Variants in SUMF1 observed in about 807,000 individuals in gnomAD.
The protein encoded by SUMF1 is sulfatase modifying factor 1.
SUMF1 carries 48 observed loss-of-function variants against 47.6 expected under a neutral mutation model. That is an observed-to-expected ratio of 1.01 (90% CI 0.80 to 1.28). SUMF1 has a LOEUF of 1.28. SUMF1 is among the 50% of genes most tolerant of loss of function. SUMF1 has a pLI of 0.00. For synonymous variants in SUMF1, 230 were observed against 192.1 expected, an observed-to-expected ratio of 1.20 and a Z score of -1.63; for missense variants, 571 against 485.4, an observed-to-expected ratio of 1.18 and a Z score of -1.66.
Position 4,420,945 on chromosome 3 carries a change from A to ACCCTCCTAGT in SUMF1, c.520-800_520-799insACTAGGAGGG, listed in dbSNP as rs1701880256. 7.9e-5 allele frequency among the ~76,000 whole-genome samples: 12 copies of ACCCTCCTAGT among 152,296 alleles called. No homozygotes were observed. The South Asian group carries it at 2.5e-3, about 32-fold the overall frequency. On this transcript the variant is annotated intron_variant, in intron 3 of 8. Coordinates refer to ENST00000272902, the MANE Select transcript of SUMF1 (RefSeq NM_182760.4). ...TAGCTGGGTGACCCTGGGCAAGTTC[A>ACCCTCCTAGT]CTACTTGTCTGGACCCTCCTAGTCC...
At chr3:4,209,241 A>G (rs1695721849) in intron 8 of SUMF1, among the ~76,000 whole-genome samples, 2 of 152,112 alleles carry the variant, frequency 1.3e-5, no homozygotes, top group Non-Finnish European at 2.9e-5. Context: ...TAAATTTTAC[A>G]CTCTACTATA....
At chr3:4,266,862 T>G in intron 8 of SUMF1, among the ~76,000 whole-genome samples, 1 of 148,722 alleles carries the variant, frequency 6.7e-6, no homozygotes, top group Non-Finnish European at 1.5e-5. Flanking sequence ...GCTGTGGGTT[T>G]GTCATAGATA....
intron 8 of SUMF1, among the ~76,000 whole-genome samples, chr3:4,112,099 A>G (rs1208780802): frequency 6.6e-6 from 1 of 152,010 alleles, no homozygotes; most frequent in Non-Finnish European, 1.5e-5. Context: ...CTGAGACAAA[A>G]AGATCTACAA....
intron 9 of SUMF1, among the ~76,000 whole-genome samples, chr3:4,049,800 C>T (rs1456363029): frequency 6.6e-6 from 1 of 152,118 alleles, no homozygotes. Context: ...TACCCAAGCT[C>T]TCGTCCAACA....
At chr3:4,232,544 C>G (rs747285236) in intron 8 of SUMF1, among the ~76,000 whole-genome samples, 4 of 151,818 alleles carry the variant, frequency 2.6e-5, no homozygotes, top group Non-Finnish European at 5.9e-5. Flanking sequence ...AGAATGGTCC[C>G]TCAAAGGAAA....
intron 7 of SUMF1, among the ~76,000 whole-genome samples, chr3:4,404,433 T>G (rs1701310970): frequency 6.6e-6 from 1 of 152,196 alleles, no homozygotes; most frequent in Non-Finnish European, 1.5e-5. Context: ...TCAAACTGAT[T>G]TATTCATGTC....
chr3:4,313,335 A>T (rs750435220), intron 8 of SUMF1: 1 of 1,614,050 alleles, frequency 6.2e-7, no homozygotes, highest in Non-Finnish European at 8.5e-7. Flanking sequence ...CCATCAGGGA[A>T]CATGTTTATA....
At chr3:4,150,362 G>A (rs1008676629) in intron 8 of SUMF1, among the ~76,000 whole-genome samples, 1 of 151,522 alleles carries the variant, frequency 6.6e-6, no homozygotes, top group Admixed American at 6.6e-5. Flanking sequence ...AGGAGTTTGC[G>A]ACCAGCCTGG....
Position 4,467,043 on chromosome 3 carries a change from T to C in SUMF1, c.203A>G (p.His68Arg). The C allele has an allele frequency of 1.3e-6, 2 of 1,573,126 alleles. No individual in the cohort carries two copies. ...PGAHGSSAAA[H>R]RYSREANAPG... is the part of the protein sequence containing the mutation. The stretch of plus-strand genomic sequence containing the variant: ...AGCGTTAGCCTCCCGCGAGTATCGG[T>C]GAGCGGCTGCCGAACTGCCATGGGC... Residue 68 changes from histidine to arginine, a missense_variant, in exon 1 of 9, where the codon CAC becomes CGC. His to Arg is a conservative substitution (Grantham distance 29). Transcript: ENST00000272902.
At position 4,059,537 on chromosome 3, in the gene SUMF1, C is replaced by A. The variant is rs1354909527; in HGVS notation, c.1191+9032G>T. Among the ~76,000 whole-genome samples the A allele has an allele frequency of 2.6e-5, 4 of 152,024 alleles. 1 individual carries two copies. The highest frequency in any genetic ancestry group is 5.9e-5 in the Non-Finnish European group (4 of 68,010). ...AATCTCTTAAACCTCTACAGCTGCT[C>A]AACAAAACAAAGAAATAAACATTGC... On this transcript the variant is annotated intron_variant and NMD_transcript_variant, in intron 9 of 12. Coordinates refer to the SUMF1 transcript ENST00000448413.
At chr3:4,312,953 C>T in intron 8 of SUMF1, 2 of 1,613,858 alleles carry the variant, frequency 1.2e-6, no homozygotes, top group Non-Finnish European at 1.7e-6. Context: ...ACTCAAATAA[C>T]CTTTCCCGGA....
At chr3:4,129,877 T>C (rs986403475) in intron 8 of SUMF1, among the ~76,000 whole-genome samples, 3 of 152,096 alleles carry the variant, frequency 2.0e-5, no homozygotes, top group Non-Finnish European at 2.9e-5. Context: ...CCTGTCATCA[T>C]TTCCCCAGTG....
intron 3 of SUMF1, among the ~76,000 whole-genome samples, chr3:4,444,349 G>C (rs1024014867): frequency 1.3e-5 from 2 of 152,276 alleles, no homozygotes; most frequent in Admixed American, 6.5e-5. Context: ...CAAATGACTA[G>C]AGAGACATGA....
intron 8 of SUMF1, among the ~76,000 whole-genome samples, chr3:4,245,229 G>A (rs552655141): frequency 2.9e-4 from 44 of 152,172 alleles, no homozygotes; most frequent in African/African-American, 9.9e-4. Context: ...ACTTTCTGAA[G>A]CCTACTTCTG....
At chr3:4,280,363 G>A (rs948337316) in intron 8 of SUMF1, among the ~76,000 whole-genome samples, 2 of 152,156 alleles carry the variant, frequency 1.3e-5, no homozygotes, top group Non-Finnish European at 2.9e-5. Context: ...CATACTGTAT[G>A]TTGTGGACCA....
intron 8 of SUMF1, among the ~76,000 whole-genome samples, chr3:4,372,575 C>A (rs916168184): frequency 5.3e-5 from 8 of 152,126 alleles, no homozygotes; most frequent in African/African-American, 1.9e-4. Context: ...CTAACTTTTA[C>A]TGAGCCTTTA....
chr3:4,214,874 T>C (rs995670111), intron 8 of SUMF1, among the ~76,000 whole-genome samples: 2 of 152,040 alleles, frequency 1.3e-5, no homozygotes, highest in Admixed American at 6.6e-5. Flanking sequence ...AATAGACCAA[T>C]AACAAGTTCT....
At chr3:4,336,786 T>C (rs1445069970) in intron 8 of SUMF1, among the ~76,000 whole-genome samples, 6 of 152,248 alleles carry the variant, frequency 3.9e-5, no homozygotes, top group Non-Finnish European at 5.9e-5. Flanking sequence ...TTTAGTCACA[T>C]AAAAACCATA....
intron 7 of SUMF1, among the ~76,000 whole-genome samples, chr3:4,392,550 T>A (rs1047601980): frequency 6.6e-6 from 1 of 150,804 alleles, no homozygotes; most frequent in Non-Finnish European, 1.5e-5. Flanking sequence ...AGATTACATA[T>A]ATAATCTTAA....
Sources: allele counts gnomAD v4.1 joint callset (sites outside exome capture counted in the v4.1 genomes callset), GRCh38; gene constraint gnomAD v4.1.1; transcripts MANE v1.5; gene names NCBI Gene and HGNC (gene_info 2026-07-23, HGNC 2026-07-21).